The following ADCY1 variants were observed in gnomAD, a reference collection of about 807,000 sequenced individuals.
ADCY1 encodes adenylate cyclase type 1.
In ADCY1, 28 loss-of-function variants were observed where a neutral mutation model predicts 105.4. The ratio of observed to expected loss-of-function variants is 0.27; its 90% CI spans 0.20 to 0.36. The LOEUF is 0.36. ADCY1 is among the 10% of genes least tolerant of loss of function. ADCY1 has a pLI of 1.00. For missense variants in ADCY1, 977 were observed against 1,434.2 expected (o/e 0.68, Z 5.15); for synonymous variants, 655 against 623.8 (o/e 1.05, Z -0.75).
chr7:45,708,548 C>T lies in ADCY1; in HGVS notation c.2932+84C>T, dbSNP rs140006534. 2.1e-3 allele frequency: 2,178 copies of T among 1,061,958 alleles called. 23 individuals are homozygous for T. Among genetic ancestry groups the T allele is most frequent in the South Asian group, 1.0e-3 (72 of 69,954 alleles). The allele number at this position is 1,061,958 out of a possible 1,614,324, so 65.8% of individuals were successfully genotyped here. A position where few individuals can be genotyped will look rare whatever the true frequency, so the allele number is the denominator to read the frequency against. ...AGGGGTGGGATCAGCTGATGAGGTA[C>T]CCTGGTCTTACAGGAAGGAGGGTGG... On this transcript the variant is annotated intron_variant, in intron 18 of 19. Transcript: ENST00000297323. This position sits in a 1 kb window ranked among gnomAD's most constrained non-coding sequence, Gnocchi z 4.7.
Position 45,637,266 on chromosome 7 carries a change from T to C in ADCY1, c.1021-11404T>C, listed in dbSNP as rs567501722. Among the ~76,000 whole-genome samples, 12 of 152,352 alleles carry C rather than the reference T, an allele frequency of 7.9e-5. No individual in the cohort carries two copies. The East Asian group carries it at 1.9e-3, about 24-fold the overall frequency. ...CATTGTTCCCATACATTTTACTTTT[T>C]CTAGTGTTATAAACTCCATTTTACA... On this transcript the variant is annotated intron_variant, in intron 4 of 19. Coordinates refer to ENST00000297323, the MANE Select transcript of ADCY1 (RefSeq NM_021116.4).
rs746590226 is a variant in ADCY1 at position 45,714,005 on chromosome 7, C to T, written c.*10C>T. ...TGGGAAGGAGGCTTAGTGGAGCCCA[C>T]GTGGGCCTCTGGGGTGCACATGGGG... On this transcript the variant is annotated 3_prime_UTR_variant, in exon 20 of 20. Coordinates refer to ENST00000297323, the MANE Select transcript of ADCY1 (RefSeq NM_021116.4). The T allele has an allele frequency of 1.6e-5, 12 of 769,518 alleles. No individual in the cohort carries two copies. Among genetic ancestry groups the T allele is most frequent in the East Asian group, 2.4e-5 (1 of 41,040 alleles). The allele number at this position is 769,518 out of a possible 1,614,324, so 47.7% of individuals were successfully genotyped here.
At chr7:45,616,204 G>A (rs544100146) in intron 3 of ADCY1, among the ~76,000 whole-genome samples, 3 of 152,228 alleles carry the variant, frequency 2.0e-5, no homozygotes, top group South Asian at 4.1e-4. Flanking sequence ...ACCCAACAAC[G>A]AAAAGTCCAG....
chr7:45,676,903 T>G (rs148968906), intron 8 of ADCY1, among the ~76,000 whole-genome samples: 1 of 152,118 alleles, frequency 6.6e-6, no homozygotes, highest in African/African-American at 2.4e-5. Flanking sequence ...AGTTTTGTTT[T>G]GCTAGGTTGC....
In ADCY1 at chr7:45,722,306, C is replaced by G. The variant is rs1785492239; in HGVS notation, c.*8311C>G. The G allele has an allele frequency of 6.5e-6, 1 of 154,008 alleles. No homozygotes were observed. The highest frequency in any genetic ancestry group is 2.4e-5 in the African/African-American group (1 of 41,518). 9.5% of individuals were successfully genotyped at this position (154,008 alleles called of 1,614,324 possible). A position where few individuals can be genotyped will look rare whatever the true frequency, so the allele number is the denominator to read the frequency against. On this transcript the variant is annotated 3_prime_UTR_variant, in exon 20 of 20. Coordinates refer to ENST00000297323, the MANE Select transcript of ADCY1 (RefSeq NM_021116.4). ...CTGGAACTGCATGCCGTGAAAACTC[C>G]TAATGGTGTGGAACTTAGTTTGAAT...
At chr7:45,682,710 G>T (rs1342355416) in intron 11 of ADCY1, among the ~76,000 whole-genome samples, 1 of 152,202 alleles carries the variant, frequency 6.6e-6, no homozygotes, top group African/African-American at 2.4e-5. Flanking sequence ...GCTCAGGAGG[G>T]TGTTGGGCCC....
chr7:45,719,657 TTC>T lies in ADCY1; in HGVS notation c.*5664_*5665del, dbSNP rs1785430565. ...CTGCATTACATGTGTGAACACGTGT[TTC>T]TGTCGTGTGTGTCATGCACATCTGT... On this transcript the variant is annotated 3_prime_UTR_variant, in exon 20 of 20. Coordinates refer to ENST00000297323, the MANE Select transcript of ADCY1 (RefSeq NM_021116.4). 6.6e-6 allele frequency: 1 copy of T among 152,250 alleles called. No individual in the cohort carries two copies. The highest frequency in any genetic ancestry group is 2.4e-5 in the African/African-American group (1 of 41,468). 9.4% of individuals were successfully genotyped at this position (152,250 alleles called of 1,614,324 possible). A position where few individuals can be genotyped will look rare whatever the true frequency, so the allele number is the denominator to read the frequency against.
chr7:45,624,538 C>T (rs2115936944), intron 4 of ADCY1, among the ~76,000 whole-genome samples: 1 of 152,260 alleles, frequency 6.6e-6, no homozygotes, highest in Middle Eastern at 3.4e-3. Context: ...AACTGGATCT[C>T]AAGACCTTTT....
chr7:45,720,623 ACTC>A lies in ADCY1; in HGVS notation c.*6631_*6633del, dbSNP rs1259839359. 1 of 151,830 alleles carries A rather than the reference ACTC, an allele frequency of 6.6e-6. No homozygotes were observed. The highest frequency in any genetic ancestry group is 2.4e-5 in the African/African-American group (1 of 41,332). The allele number at this position is 151,830 out of a possible 1,614,324, so 9.4% of individuals were successfully genotyped here. ...ACAGGGGTCACTCATTTTAGGCACAACTCCTTCATTCTTTGTGAAATTAGTGAG... is the reference window on the plus strand; with the variant it reads ...ACAGGGGTCACTCATTTTAGGCACAACTTCATTCTTTGTGAAATTAGTGAG... On this transcript the variant is annotated 3_prime_UTR_variant, in exon 20 of 20. Transcript: ENST00000297323.
intron 2 of ADCY1, among the ~76,000 whole-genome samples, chr7:45,600,153 G>T (rs1376182576): frequency 6.6e-6 from 1 of 152,266 alleles, no homozygotes; most frequent in African/African-American, 2.4e-5. Flanking sequence ...GCGATCTGCT[G>T]TGCTGTGGGC....
At chr7:45,644,476 T>G (rs1045936780) in intron 4 of ADCY1, among the ~76,000 whole-genome samples, 1 of 152,244 alleles carries the variant, frequency 6.6e-6, no homozygotes, top group Non-Finnish European at 1.5e-5. Flanking sequence ...CCGCAGCTCT[T>G]TAGGCCATAC....
Position 45,648,815 on chromosome 7 carries a change from CT to C in ADCY1, c.1148+19del. On this transcript the variant is annotated intron_variant, in intron 5 of 19. Coordinates refer to ENST00000297323, the MANE Select transcript of ADCY1 (RefSeq NM_021116.4). ...ACCATCACGTAAGTACCCCGTGGGG[CT>C]GAGAGGAGTGGCCTGGGGCATCTAC... 1 of 1,612,226 alleles carries C rather than the reference CT, an allele frequency of 6.2e-7. No individual in the cohort carries two copies. The highest frequency in any genetic ancestry group is 8.5e-7 in the Non-Finnish European group (1 of 1,178,674).
chr7:45,575,482 G>T lies in ADCY1; in HGVS notation c.639+300G>T, dbSNP rs1792308706. 2.0e-5 allele frequency among the ~76,000 whole-genome samples: 3 copies of T among 152,264 alleles called. No individual in the cohort carries two copies. Among genetic ancestry groups the T allele is most frequent in the South Asian group, 4.1e-4 (2 of 4,836 alleles). On this transcript the variant is annotated intron_variant, in intron 1 of 19. Coordinates refer to ENST00000297323, the MANE Select transcript of ADCY1 (RefSeq NM_021116.4). This position sits in a 1 kb window ranked among gnomAD's most constrained non-coding sequence, Gnocchi z 4.7. ...AGGTCAGGGAGCTGATGAGCGGCCAGACGGCGGCCAGAGGGGTCCGCCGGT... is the reference window on the plus strand; with the variant it reads ...AGGTCAGGGAGCTGATGAGCGGCCATACGGCGGCCAGAGGGGTCCGCCGGT...
At chr7:45,684,067 G>C (rs544040020) in intron 11 of ADCY1, among the ~76,000 whole-genome samples, 1 of 152,236 alleles carries the variant, frequency 6.6e-6, no homozygotes, top group African/African-American at 2.4e-5. Context: ...AGTGATTCAC[G>C]GTCAGTAAAG....
rs546860080 is a variant in ADCY1 at position 45,646,698 on chromosome 7, T to A, written c.1021-1972T>A. On this transcript the variant is annotated intron_variant, in intron 4 of 19. Transcript: ENST00000297323. ...CTCCCGGGCCCCTGCCACAGGCTCA[T>A]GTCAGCTGCAGCTCAGCCTGCTGGG... 6.6e-5 allele frequency among the ~76,000 whole-genome samples: 10 copies of A among 152,304 alleles called. No homozygotes were observed. In the South Asian group the frequency reaches 1.7e-3, roughly 25 times the overall value.
chr7:45,632,009 C>T (rs113939544), intron 4 of ADCY1, among the ~76,000 whole-genome samples: 126 of 152,176 alleles, frequency 8.3e-4, no homozygotes, highest in African/African-American at 2.8e-3. Context: ...TGGGTCAAAG[C>T]TGGATTTTTT....
At chr7:45,699,518 A>G (rs752034174) in intron 14 of ADCY1, among the ~76,000 whole-genome samples, 4 of 151,552 alleles carry the variant, frequency 2.6e-5, no homozygotes, top group Non-Finnish European at 5.9e-5. Context: ...CTGATATTTG[A>G]GGGACATATC....
chr7:45,614,745 A>G (rs935664568), intron 3 of ADCY1, among the ~76,000 whole-genome samples: 1 of 152,234 alleles, frequency 6.6e-6, no homozygotes, highest in Non-Finnish European at 1.5e-5. Context: ...CTTGTATCAG[A>G]AAAAAGGGAC....
At chr7:45,698,608 G>A (rs769732520) in intron 14 of ADCY1, among the ~76,000 whole-genome samples, 1 of 152,136 alleles carries the variant, frequency 6.6e-6, no homozygotes, top group Non-Finnish European at 1.5e-5. Context: ...ATGCTGAGCC[G>A]GGGGCCCTGG....
Sources: gnomAD v4.1 joint callset for allele counts (sites outside exome capture counted in the v4.1 genomes callset) on GRCh38, gnomAD v4.1.1 for gene constraint, Gnocchi (gnomAD v3.1) non-coding constraint, MANE v1.5 for transcripts, NCBI Gene and HGNC (gene_info 2026-07-23, HGNC 2026-07-21) for gene names.